RBFOX1: variants seen among roughly 807,000 people sequenced by gnomAD.
The protein encoded by RBFOX1 is RNA binding fox-1 homolog 1, also known as RNA binding protein fox-1 homolog 1.
A neutral mutation model predicts 57.7 loss-of-function variants in RBFOX1; 8 were observed. That is an observed-to-expected ratio of 0.14 (90% CI 0.08 to 0.25). RBFOX1 has a LOEUF of 0.25. Among genes scored for constraint, RBFOX1 ranks in the 10% least tolerant of loss-of-function variants. The pLI, the probability that RBFOX1 is intolerant of heterozygous loss-of-function variation, is 1.00. For synonymous variants in RBFOX1, 326 were observed against 222.4 expected (o/e 1.47, Z -4.15); for missense variants, 611 against 548.5 (o/e 1.11, Z -1.14).
At chr16:5,753,696 C>G (rs960295122) in intron 3 of RBFOX1, among the ~76,000 whole-genome samples, 1 of 152,162 alleles carries the variant, frequency 6.6e-6, no homozygotes, top group East Asian at 1.9e-4. Flanking sequence ...ACCCTATAAA[C>G]CAGTGTTTTT....
intron 1 of RBFOX1, among the ~76,000 whole-genome samples, chr16:6,302,784 A>G (rs1291414412): frequency 6.6e-6 from 1 of 152,232 alleles, no homozygotes; most frequent in East Asian, 1.9e-4. Flanking sequence ...ATGGCTGGTA[A>G]TTAGCAGACA....
At chr16:5,789,738 A>G (rs972622009) in intron 3 of RBFOX1, among the ~76,000 whole-genome samples, 1 of 152,188 alleles carries the variant, frequency 6.6e-6, no homozygotes, top group Non-Finnish European at 1.5e-5. Flanking sequence ...AATCTGCCAT[A>G]AGTTCCCAGG....
chr16:6,767,977 G>GAAT (rs2154209152), intron 3 of RBFOX1, among the ~76,000 whole-genome samples: 1 of 146,382 alleles, frequency 6.8e-6, no homozygotes, highest in South Asian at 2.2e-4. Flanking sequence ...AGAAGAAGAA[G>GAAT]AAGAAGAAGA....
At chr16:7,210,019 A>G (rs1293048950) in intron 4 of RBFOX1, among the ~76,000 whole-genome samples, 1 of 152,224 alleles carries the variant, frequency 6.6e-6, no homozygotes, top group Non-Finnish European at 1.5e-5. Flanking sequence ...ATCATTCTCC[A>G]GTGAAAACCA....
intron 4 of RBFOX1, among the ~76,000 whole-genome samples, chr16:5,928,957 A>G (rs2058991650): frequency 6.6e-6 from 1 of 151,942 alleles, no homozygotes; most frequent in Admixed American, 6.6e-5. Flanking sequence ...GCTCGCCTCA[A>G]AAGGAGGGGT....
chr16:5,825,864 A>C (rs2056025618), intron 3 of RBFOX1, among the ~76,000 whole-genome samples: 1 of 125,970 alleles, frequency 7.9e-6, no homozygotes. Flanking sequence ...AATATGAATA[A>C]GGAATAATAT....
intron 2 of RBFOX1, among the ~76,000 whole-genome samples, chr16:6,636,360 T>C (rs929187168): frequency 6.6e-6 from 1 of 151,928 alleles, no homozygotes; most frequent in Non-Finnish European, 1.5e-5. Context: ...TCAGTAGAGA[T>C]GGGGTTTCAT....
chr16:7,294,774 T>TATGATG lies in RBFOX1; in HGVS notation c.28-223350_28-223345dup, dbSNP rs35974179. 1.8e-4 allele frequency among the ~76,000 whole-genome samples: 28 copies of TATGATG among 151,388 alleles called. No homozygotes were observed. The South Asian group carries it at 1.9e-3, about 10-fold the overall frequency. ...TTTAGATATTGTAAAAAATGATGAATATGATGATGATGATGATGATGATGA... is the reference window on the plus strand; with the variant it reads ...TTTAGATATTGTAAAAAATGATGAATATGATGATGATGATGATGATGATGATGATGA... On this transcript the variant is annotated intron_variant, in intron 4 of 15. Transcript: ENST00000550418.
chr16:5,282,015 G>C (rs536826892), intron 1 of RBFOX1, among the ~76,000 whole-genome samples: 1 of 152,308 alleles, frequency 6.6e-6, no homozygotes, highest in South Asian at 2.1e-4. Flanking sequence ...TCCCCACTCA[G>C]ATGTCATCTT....
At chr16:6,631,298 C>G (rs986852739) in intron 2 of RBFOX1, among the ~76,000 whole-genome samples, 1 of 150,964 alleles carries the variant, frequency 6.6e-6, no homozygotes, top group African/African-American at 2.4e-5. Context: ...TGTGTGTGTA[C>G]GAGAGACAGA....
chr16:7,040,664 T>C (rs950720628), intron 3 of RBFOX1, among the ~76,000 whole-genome samples: 6 of 152,194 alleles, frequency 3.9e-5, no homozygotes, highest in African/African-American at 1.2e-4. Flanking sequence ...TAAATGGATA[T>C]TTTTCTGTGT....
chr16:7,620,728 C>T (rs541787588), intron 10 of RBFOX1, among the ~76,000 whole-genome samples: 10 of 152,162 alleles, frequency 6.6e-5, no homozygotes, highest in African/African-American at 2.4e-4. Context: ...TTTATCAACT[C>T]AGGACCAAGT....
chr16:5,791,987 G>C (rs1323366895), intron 3 of RBFOX1, among the ~76,000 whole-genome samples: 6 of 152,136 alleles, frequency 3.9e-5, no homozygotes, highest in Non-Finnish European at 8.8e-5. Context: ...CAGAGACTTT[G>C]AGGATGACTT....
intron 4 of RBFOX1, among the ~76,000 whole-genome samples, chr16:7,291,840 T>C (rs956157743): frequency 6.7e-6 from 1 of 149,388 alleles, no homozygotes; most frequent in Non-Finnish European, 1.5e-5. Flanking sequence ...CCTTCACAAG[T>C]GTGTAAAGAG....
intron 3 of RBFOX1, among the ~76,000 whole-genome samples, chr16:6,962,129 C>G (rs2083149791): frequency 6.6e-6 from 1 of 152,164 alleles, no homozygotes; most frequent in Non-Finnish European, 1.5e-5. Context: ...CATATTTCCT[C>G]TGAAGTCTTG....
chr16:7,126,900 T>C lies in RBFOX1; in HGVS notation c.27+74802T>C, dbSNP rs564647979. Among the ~76,000 whole-genome samples, 272 of 151,766 alleles carry C rather than the reference T, an allele frequency of 1.8e-3. 1 individual carries two copies. Among genetic ancestry groups the C allele is most frequent in the Non-Finnish European group, 1.5e-3 (99 of 67,974 alleles). On this transcript the variant is annotated intron_variant, in intron 4 of 15. Transcript: ENST00000550418. ...GGCAGGCACCTGTAATCCCAGCTAC[T>C]TGGGAGGCTGAGGCAGGAGAATAGC...
At chr16:5,303,341 G>C (rs1050390996) in intron 1 of RBFOX1, among the ~76,000 whole-genome samples, 6 of 152,218 alleles carry the variant, frequency 3.9e-5, no homozygotes, top group African/African-American at 1.4e-4. Flanking sequence ...ATTATTTGCA[G>C]ATAAGCCATA....
intron 1 of RBFOX1, among the ~76,000 whole-genome samples, chr16:5,385,044 C>G (rs2066222428): frequency 6.6e-6 from 1 of 152,270 alleles, no homozygotes; most frequent in East Asian, 1.9e-4. Flanking sequence ...GGTGTTAACA[C>G]AAAAGAAGAA....
chr16:6,598,504 C>T (rs1429628632), intron 2 of RBFOX1, among the ~76,000 whole-genome samples: 1 of 152,032 alleles, frequency 6.6e-6, no homozygotes, highest in Non-Finnish European at 1.5e-5. Flanking sequence ...GGACGTCAGA[C>T]CGATATATAC....
Sources: gnomAD v4.1 joint callset for allele counts (sites outside exome capture counted in the v4.1 genomes callset) on GRCh38, gnomAD v4.1.1 for gene constraint, MANE v1.5 for transcripts, NCBI Gene and HGNC (gene_info 2026-07-23, HGNC 2026-07-21) for gene names.